Variants in JAK2 observed in about 807,000 individuals in gnomAD.
The protein encoded by JAK2 is tyrosine-protein kinase JAK2.
JAK2 carries 86 observed loss-of-function variants against 139.3 expected under a neutral mutation model. The ratio of observed to expected loss-of-function variants is 0.62; its 90% CI spans 0.52 to 0.74. The LOEUF is 0.74. Among genes scored for constraint, JAK2 ranks in the 30% least tolerant of loss-of-function variants. The probability of loss-of-function intolerance (pLI) is 0.00; values close to 1 mark genes in which losing one functional copy is unlikely to be tolerated. For missense variants in JAK2, 1,421 were observed against 1,360.3 expected, an observed-to-expected ratio of 1.04 and a Z score of -0.70; for synonymous variants, 490 against 437.7, an observed-to-expected ratio of 1.12 and a Z score of -1.49.
At chr9:5,050,865 G>T in intron 6 of JAK2, 34 bp downstream of exon 6, 1 of 1,549,048 alleles carries the variant, frequency 6.5e-7, no homozygotes, top group Non-Finnish European at 8.9e-7. Context: ...ACACATAAGT[G>T]TGAGTAGAGA....
At position 5,021,956 on chromosome 9, in the gene JAK2, C is replaced by G; in HGVS notation, c.-25-7C>G. The G allele has an allele frequency of 2.0e-6, 3 of 1,524,284 alleles. No homozygotes were observed. The highest frequency in any genetic ancestry group is 2.7e-6 in the Non-Finnish European group (3 of 1,100,090). 94.4% of individuals were successfully genotyped at this position (1,524,284 alleles called of 1,614,324 possible). A position where few individuals can be genotyped will look rare whatever the true frequency, so the allele number is the denominator to read the frequency against. ...CCCATTTGTAACTTTATTGTTTTCT[C>G]TTACAGGCAAATGTTCTGAAAAAGA... is the stretch of plus-strand genomic sequence containing the variant. On this transcript the variant is annotated splice_region_variant and splice_polypyrimidine_tract_variant and intron_variant, in intron 2 of 24. Transcript: ENST00000381652.
chr9:5,050,608 T>C (rs1444212349), intron 5 of JAK2, 78 bp from the exon 6 acceptor site: 2 of 1,403,810 alleles, frequency 1.4e-6, no homozygotes, highest in East Asian at 2.4e-5. Context: ...CTGAAAATTA[T>C]GATTAAAATA....
chr9:5,046,803 A>G (rs1042992010), intron 5 of JAK2, among the ~76,000 whole-genome samples: 1 of 151,294 alleles, frequency 6.6e-6, no homozygotes, highest in South Asian at 2.1e-4. Context: ...AAAACAGGAT[A>G]TTATGAGGTT....
intron 8 of JAK2, among the ~76,000 whole-genome samples, chr9:5,063,917 G>T (rs755782050): frequency 3.9e-5 from 6 of 152,214 alleles, no homozygotes; most frequent in Admixed American, 2.6e-4. Flanking sequence ...CAGCACTTTG[G>T]GAGGCCAAGG....
At chr9:5,025,046 G>A (rs1389285652) in intron 3 of JAK2, among the ~76,000 whole-genome samples, 2 of 152,118 alleles carry the variant, frequency 1.3e-5, no homozygotes, top group African/African-American at 4.8e-5. Flanking sequence ...TTTTTAAGTG[G>A]CTGTTTTCTT....
intron 22 of JAK2, 98 bp downstream of exon 22, chr9:5,091,009 C>A: frequency 2.2e-6 from 2 of 910,384 alleles, no homozygotes; most frequent in Non-Finnish European, 1.6e-6. Flanking sequence ...TTTACAGTAA[C>A]AGTGAACATT....
intron 8 of JAK2, among the ~76,000 whole-genome samples, chr9:5,060,516 C>G (rs1170891643): frequency 6.6e-6 from 1 of 152,210 alleles, no homozygotes; most frequent in Non-Finnish European, 1.5e-5. Flanking sequence ...TAGATTCCAT[C>G]TCAAGAAACC....
intron 8 of JAK2, among the ~76,000 whole-genome samples, chr9:5,062,154 T>G (rs1563966852): frequency 6.6e-6 from 1 of 152,178 alleles, no homozygotes; most frequent in East Asian, 1.9e-4. Context: ...CAAACATGGA[T>G]GGAAAATATA....
At position 5,050,820 on chromosome 9, in the gene JAK2, T is replaced by C; in HGVS notation, c.603T>C (p.Tyr201=). 4 of 1,613,282 alleles carry C rather than the reference T, an allele frequency of 2.5e-6. No individual in the cohort carries two copies. Among genetic ancestry groups the C allele is most frequent in the Non-Finnish European group, 3.4e-6 (4 of 1,179,422 alleles). The change falls in exon 6 of 25, where the codon TAT becomes TAC. Residue 201 remains tyrosine, a synonymous_variant. Transcript: ENST00000381652. ...KENDQTPLAI[Y]NSISYKTFLP... Reference sequence around the variant, plus strand: ...ACGATCAAACCCCACTGGCCATCTATAACTCTATCAGGTAATTTTCTTTTG... The same window carrying C: ...ACGATCAAACCCCACTGGCCATCTACAACTCTATCAGGTAATTTTCTTTTG...
chr9:5,044,303 G>T, intron 4 of JAK2, 100 bp from the exon 5 acceptor site: 1 of 728,572 alleles, frequency 1.4e-6, no homozygotes, highest in South Asian at 1.6e-5. Context: ...TTCTAAGTAT[G>T]GGATAATACC....
At chr9:4,999,052 C>G (rs895137260) in intron 2 of JAK2, among the ~76,000 whole-genome samples, 2 of 152,004 alleles carry the variant, frequency 1.3e-5, no homozygotes. Context: ...GTCTCGATCT[C>G]CTGACCTTGT....
At chr9:5,125,128 T>C (rs1224046951) in intron 23 of JAK2, among the ~76,000 whole-genome samples, 3 of 151,306 alleles carry the variant, frequency 2.0e-5, no homozygotes, top group African/African-American at 7.3e-5. Context: ...AAATCATCTC[T>C]AATGCAATTA....
At chr9:5,060,493 C>A (rs1370157265) in intron 8 of JAK2, among the ~76,000 whole-genome samples, 2 of 152,326 alleles carry the variant, frequency 1.3e-5, no homozygotes, top group South Asian at 2.1e-4. Flanking sequence ...TTCACAGCAT[C>A]TTCACCCAGG....
At chr9:5,027,022 A>G (rs933194652) in intron 3 of JAK2, among the ~76,000 whole-genome samples, 1 of 152,222 alleles carries the variant, frequency 6.6e-6, no homozygotes, top group Non-Finnish European at 1.5e-5. Flanking sequence ...TTTGATACCT[A>G]TTAATTAAAA....
intron 13 of JAK2, among the ~76,000 whole-genome samples, chr9:5,073,258 A>G (rs1819091090): frequency 6.6e-6 from 1 of 152,232 alleles, no homozygotes; most frequent in Middle Eastern, 3.2e-3. Flanking sequence ...GAGTGATGTT[A>G]AAACTATGCT....
Position 5,032,206 on chromosome 9 carries a change from C to T in JAK2, c.350+2300C>T, listed in dbSNP as rs555488026. Among the ~76,000 whole-genome samples the T allele has an allele frequency of 3.4e-3, 513 of 152,296 alleles. 2 individuals carry two copies. Among genetic ancestry groups the T allele is most frequent in the African/African-American group, 0.012 (488 of 41,578 alleles). On this transcript the variant is annotated intron_variant, in intron 4 of 24. Transcript: ENST00000381652. ...GGTGGCAGCGAGGCTGGGGGAGGGG[C>T]GCCCGCCATTGCCGAGGGTTGAGTA...
chr9:5,121,353 G>C (rs1256291094), intron 22 of JAK2, among the ~76,000 whole-genome samples: 2 of 152,172 alleles, frequency 1.3e-5, no homozygotes, highest in East Asian at 3.9e-4. Context: ...TAGTCCTCAA[G>C]TAAGAAGACT....
intron 22 of JAK2, among the ~76,000 whole-genome samples, chr9:5,096,428 A>C (rs1176039573): frequency 1.3e-5 from 2 of 152,166 alleles, no homozygotes; most frequent in African/African-American, 2.4e-5. Flanking sequence ...GTGGAATTCA[A>C]ACCCACAAAA....
intron 2 of JAK2, among the ~76,000 whole-genome samples, chr9:4,992,400 T>TG (rs1288417718): frequency 1.3e-5 from 2 of 152,210 alleles, no homozygotes; most frequent in Admixed American, 1.3e-4. Flanking sequence ...GTCAGAAGCC[T>TG]GTCCAGATTT....
Sources: gnomAD v4.1 joint callset for allele counts (sites outside exome capture counted in the v4.1 genomes callset) on GRCh38, gnomAD v4.1.1 for gene constraint, MANE v1.5 for transcripts, NCBI Gene and HGNC (gene_info 2026-07-23, HGNC 2026-07-21) for gene names.